The following SGCD variants were observed in gnomAD, a reference collection of about 807,000 sequenced individuals.
SGCD encodes the protein sarcoglycan delta, also known as delta-sarcoglycan.
SGCD carries 18 observed loss-of-function variants against 36.6 expected under a neutral mutation model. The ratio of observed to expected loss-of-function variants is 0.49; its 90% CI spans 0.34 to 0.73. The LOEUF (loss-of-function observed/expected upper bound fraction) is 0.73, where lower values mean the gene tolerates loss of function less well. SGCD is among the 30% of genes least tolerant of loss of function. The pLI, the probability that SGCD is intolerant of heterozygous loss-of-function variation, is 0.01. For synonymous variants in SGCD, 133 were observed against 130.6 expected, an observed-to-expected ratio of 1.02 and a Z score of -0.12; for missense variants, 387 against 346.7, an observed-to-expected ratio of 1.12 and a Z score of -0.92.
intron 7 of SGCD, among the ~76,000 whole-genome samples, chr5:156,747,629 A>T (rs1756996086): frequency 6.6e-6 from 1 of 152,124 alleles, no homozygotes; most frequent in African/African-American, 2.4e-5. Flanking sequence ...GCTTCCCTCA[A>T]ATTGAAAGAG....
Position 156,424,995 on chromosome 5 carries a change from A to G in SGCD, c.192+80318A>G, listed in dbSNP as rs148150181. Among the ~76,000 whole-genome samples the G allele has an allele frequency of 3.7e-3, 560 of 152,154 alleles. 5 individuals are homozygous for G. The highest frequency in any genetic ancestry group is 0.013 in the African/African-American group (524 of 41,516). On this transcript the variant is annotated intron_variant, in intron 3 of 8. Coordinates refer to ENST00000337851, the MANE Select transcript of SGCD (RefSeq NM_000337.6). The stretch of plus-strand genomic sequence containing the variant: ...TCCCAGATTCCCAGAAGGAAAACAC[A>G]TGTTCAGCATAAACCCTATTGTCGA...
chr5:155,937,225 G>C (rs547289131), intron 1 of SGCD, among the ~76,000 whole-genome samples: 18 of 152,210 alleles, frequency 1.2e-4, no homozygotes, highest in African/African-American at 4.1e-4. Context: ...GCCTGTTCCC[G>C]GCTCCCACTG....
the SGCD span, among the ~76,000 whole-genome samples, chr5:155,825,176 A>G: frequency 1.3e-5 from 2 of 152,236 alleles, no homozygotes; most frequent in Non-Finnish European, 2.9e-5. Flanking sequence ...GGTGATTAAC[A>G]TACTTTTGCG....
intron 4 of SGCD, among the ~76,000 whole-genome samples, chr5:156,588,753 T>C (rs917428856): frequency 2.6e-5 from 4 of 152,226 alleles, no homozygotes; most frequent in African/African-American, 7.2e-5. Context: ...AGGATTCTTA[T>C]AGTTGGTGGG....
chr5:156,158,024 T>C (rs1763004351), intron 3 of SGCD, among the ~76,000 whole-genome samples: 1 of 151,402 alleles, frequency 6.6e-6, no homozygotes, highest in Admixed American at 6.6e-5. Flanking sequence ...AGTTGGTGAT[T>C]CAAATGAACA....
At chr5:156,628,928 G>T (rs1762528861) in intron 6 of SGCD, among the ~76,000 whole-genome samples, 1 of 152,138 alleles carries the variant, frequency 6.6e-6, no homozygotes. Context: ...GTGCAATGAA[G>T]ATATCAACAC....
intron 3 of SGCD, among the ~76,000 whole-genome samples, chr5:156,311,014 A>AACAGCATC (rs1162466815): frequency 1.3e-5 from 2 of 152,190 alleles, no homozygotes; most frequent in Non-Finnish European, 2.9e-5. Flanking sequence ...AGTTAGAGGG[A>AACAGCATC]ACAGCATCTG....
intron 3 of SGCD, among the ~76,000 whole-genome samples, chr5:156,160,016 T>C (rs1763053785): frequency 6.6e-6 from 1 of 151,668 alleles, no homozygotes; most frequent in Non-Finnish European, 1.5e-5. Context: ...CAAAGAAATG[T>C]GTTCTTTAGT....
chr5:156,495,857 C>G (rs1472298773), intron 3 of SGCD, among the ~76,000 whole-genome samples: 2 of 152,104 alleles, frequency 1.3e-5, no homozygotes, highest in Admixed American at 1.3e-4. Flanking sequence ...ATTTTCTTCC[C>G]GTCAGACAAT....
intron 7 of SGCD, among the ~76,000 whole-genome samples, chr5:156,715,480 C>T (rs1755177456): frequency 6.6e-6 from 1 of 152,140 alleles, no homozygotes; most frequent in Admixed American, 6.6e-5. Context: ...TTGGCTTTCC[C>T]CCATCCTGAG....
chr5:156,443,150 A>G (rs1451117512), intron 3 of SGCD, among the ~76,000 whole-genome samples: 1 of 151,904 alleles, frequency 6.6e-6, no homozygotes, highest in Non-Finnish European at 1.5e-5. Context: ...ATGCCCAGCT[A>G]ATTTTTGTAT....
At chr5:155,975,455 A>T (rs1758091761) in intron 1 of SGCD, among the ~76,000 whole-genome samples, 1 of 152,066 alleles carries the variant, frequency 6.6e-6, no homozygotes, top group African/African-American at 2.4e-5. Flanking sequence ...CAAAAATATC[A>T]ACAGTGCTGA....
intron 3 of SGCD, among the ~76,000 whole-genome samples, chr5:156,481,581 T>C (rs544572529): frequency 1.3e-5 from 2 of 152,322 alleles, no homozygotes; most frequent in South Asian, 2.1e-4. Flanking sequence ...TGTTATTATA[T>C]GTCTCTTGAT....
chr5:156,129,303 G>T (rs1166610940), intron 3 of SGCD, among the ~76,000 whole-genome samples: 2 of 152,084 alleles, frequency 1.3e-5, no homozygotes, highest in African/African-American at 4.8e-5. Context: ...TCTGGGATAG[G>T]TATCATTATT....
rs915643628 is a variant in SGCD at position 156,589,373 on chromosome 5, A to G, written c.382+55A>G. The G allele has an allele frequency of 4.1e-5, 39 of 954,714 alleles. No individual in the cohort carries two copies. The African/African-American group carries it at 5.9e-4, about 14-fold the overall frequency. The allele number at this position is 954,714 out of a possible 1,614,324, so 59.1% of individuals were successfully genotyped here. A position where few individuals can be genotyped will look rare whatever the true frequency, so the allele number is the denominator to read the frequency against. On this transcript the variant is annotated intron_variant, in intron 5 of 8. Transcript: ENST00000337851. ...AGCCCATGCGAGGCACTCAGAATAC[A>G]GAATTAATGGTCAAAGGAAACACCA...
At chr5:156,110,667 A>T (rs1488979538) in intron 1 of SGCD, among the ~76,000 whole-genome samples, 1 of 152,106 alleles carries the variant, frequency 6.6e-6, no homozygotes, top group Admixed American at 6.6e-5. Context: ...CTTAAAAAAA[A>T]AAACTCTCTT....
At chr5:155,831,775 G>T in the SGCD span, among the ~76,000 whole-genome samples, 1 of 152,208 alleles carries the variant, frequency 6.6e-6, no homozygotes, top group African/African-American at 2.4e-5. Flanking sequence ...CTTCCACAGA[G>T]TCTGTAGGGA....
intron 1 of SGCD, among the ~76,000 whole-genome samples, chr5:156,108,398 A>G (rs752200528): frequency 1.3e-5 from 2 of 152,082 alleles, no homozygotes; most frequent in Non-Finnish European, 2.9e-5. Context: ...AAGCTATTCA[A>G]TGTATGAGCC....
At chr5:155,981,177 A>G (rs1015514595) in intron 1 of SGCD, among the ~76,000 whole-genome samples, 3 of 152,112 alleles carry the variant, frequency 2.0e-5, no homozygotes, top group Non-Finnish European at 4.4e-5. Flanking sequence ...AGAGCAAGGG[A>G]GAGAGGCTGT....
Sources: allele counts gnomAD v4.1 joint callset (sites outside exome capture counted in the v4.1 genomes callset), GRCh38; gene constraint gnomAD v4.1.1; transcripts MANE v1.5; gene names NCBI Gene and HGNC (gene_info 2026-07-23, HGNC 2026-07-21).